Variants in TTLL9 observed in about 807,000 individuals in gnomAD.
TTLL9 encodes the protein probable tubulin polyglutamylase TTLL9.
A neutral mutation model predicts 65.6 loss-of-function variants in TTLL9; 47 were observed. The observed-to-expected ratio is 0.72, with a 90% confidence interval of 0.57 to 0.91. The LOEUF is 0.91. Among genes scored for constraint, TTLL9 ranks in the 40% least tolerant of loss-of-function variants. The pLI, the probability that TTLL9 is intolerant of heterozygous loss-of-function variation, is 0.00. For synonymous variants in TTLL9, 179 were observed against 204.8 expected, an observed-to-expected ratio of 0.87 and a Z score of 1.07; for missense variants, 537 against 568.8, an observed-to-expected ratio of 0.94 and a Z score of 0.57.
At chr20:31,893,758 G>A (rs2063343222) in intron 3 of TTLL9, among the ~76,000 whole-genome samples, 1 of 151,746 alleles carries the variant, frequency 6.6e-6, no homozygotes, top group Non-Finnish European at 1.5e-5. Flanking sequence ...TCTTGCTTGG[G>A]GTTAATTGAG....
intron 3 of TTLL9, among the ~76,000 whole-genome samples, chr20:31,898,226 C>G (rs775664877): frequency 4.6e-5 from 7 of 152,186 alleles, no homozygotes; most frequent in Non-Finnish European, 8.8e-5. Context: ...ACATGGAAAG[C>G]AACCAGACCA....
chr20:31,882,853 T>C (rs965890945), intron 2 of TTLL9, among the ~76,000 whole-genome samples: 8 of 152,222 alleles, frequency 5.3e-5, no homozygotes, highest in Non-Finnish European at 1.2e-4. Context: ...GACCTGTTTA[T>C]GTGGAGGGGT....
chr20:31,939,020 GA>G, intron 13 of TTLL9, 121 bp from the exon 14 acceptor site: 13 of 1,217,402 alleles, frequency 1.1e-5, no homozygotes, highest in Admixed American at 2.9e-5. Flanking sequence ...GAATGGTTGG[GA>G]AAAAGGACTT....
chr20:31,891,358 A>G (rs2063305144), intron 3 of TTLL9, among the ~76,000 whole-genome samples: 2 of 152,106 alleles, frequency 1.3e-5, no homozygotes, highest in Admixed American at 6.5e-5. Flanking sequence ...AATATTTGGT[A>G]TTTGTCTGAT....
intron 13 of TTLL9, chr20:31,938,347 T>C: frequency 2.6e-6 from 1 of 381,648 alleles, no homozygotes; most frequent in Non-Finnish European, 5.3e-6. Flanking sequence ...GGAGTGGTTC[T>C]CAGAGGAAAA....
intron 6 of TTLL9, among the ~76,000 whole-genome samples, chr20:31,911,879 C>A (rs2063657723): frequency 6.9e-6 from 1 of 145,470 alleles, no homozygotes; most frequent in African/African-American, 2.6e-5. Context: ...TGTGTGTCCT[C>A]TTTCCCAAAT....
At position 31,944,035 on chromosome 20, in the gene TTLL9, G is replaced by A. The variant is rs759236680; in HGVS notation, c.*1014G>A. ...GAATCTGCCTGCCTAGGTCAAGCCC[G>A]AAGGGAAGACTTTTGGAAGGAAAAT... On this transcript the variant is annotated 3_prime_UTR_variant, in exon 15 of 15. Coordinates refer to ENST00000535842, the MANE Select transcript of TTLL9 (RefSeq NM_001008409.5). 8 of 337,196 alleles carry A rather than the reference G, an allele frequency of 2.4e-5. No homozygotes were observed. Among genetic ancestry groups the A allele is most frequent in the South Asian group, 4.7e-5 (2 of 42,926 alleles). 20.9% of individuals were successfully genotyped at this position (337,196 alleles called of 1,614,324 possible).
chr20:31,889,813 T>A (rs1047472725), intron 3 of TTLL9, among the ~76,000 whole-genome samples: 1 of 151,576 alleles, frequency 6.6e-6, no homozygotes, highest in East Asian at 1.9e-4. Flanking sequence ...CAAGTGATCA[T>A]CCCACCTCGG....
intron 4 of TTLL9, among the ~76,000 whole-genome samples, chr20:31,904,227 C>T (rs2063517198): frequency 6.6e-6 from 1 of 151,592 alleles, no homozygotes; most frequent in Non-Finnish European, 1.5e-5. Flanking sequence ...TGCCAGCTTT[C>T]TCCAGTGTAA....
intron 7 of TTLL9, among the ~76,000 whole-genome samples, chr20:31,922,726 G>T (rs1029158696): frequency 1.2e-4 from 19 of 152,212 alleles, no homozygotes; most frequent in Non-Finnish European, 8.8e-5. Flanking sequence ...TCTGGGCCTA[G>T]ACCATGTAGG....
chr20:31,874,352 C>T (rs1025336623), intron 2 of TTLL9, among the ~76,000 whole-genome samples: 2 of 151,174 alleles, frequency 1.3e-5, no homozygotes, highest in African/African-American at 4.9e-5. Context: ...TGTTATATTA[C>T]ATGGCAAAGG....
intron 12 of TTLL9, among the ~76,000 whole-genome samples, chr20:31,935,128 G>A (rs748805485): frequency 2.6e-5 from 4 of 152,160 alleles, no homozygotes; most frequent in Non-Finnish European, 5.9e-5. Flanking sequence ...ACTGAGGACC[G>A]AGCCTGGCAC....
intron 6 of TTLL9, among the ~76,000 whole-genome samples, chr20:31,910,723 G>A (rs2063634223): frequency 6.6e-6 from 1 of 152,178 alleles, no homozygotes; most frequent in Non-Finnish European, 1.5e-5. Flanking sequence ...CTCAATAAAT[G>A]AGAATTGTTA....
At chr20:31,886,051 A>G (rs1400397407) in intron 2 of TTLL9, among the ~76,000 whole-genome samples, 1 of 152,202 alleles carries the variant, frequency 6.6e-6, no homozygotes, top group Non-Finnish European at 1.5e-5. Flanking sequence ...AATTCTGCCT[A>G]CAACCTGAAT....
intron 6 of TTLL9, among the ~76,000 whole-genome samples, chr20:31,911,831 CGT>C (rs55996863): frequency 0.079 from 11,177 of 142,114 alleles, 462 homozygotes; most frequent in East Asian, 0.15. Context: ...TGTGTCTGTG[CGT>C]GTGTGTGTGT....
chr20:31,878,291 T>G (rs1568730271), intron 2 of TTLL9, among the ~76,000 whole-genome samples: 6 of 152,254 alleles, frequency 3.9e-5, no homozygotes, highest in Admixed American at 3.3e-4. Flanking sequence ...GACATCTATT[T>G]CAGAAGGGAA....
At chr20:31,880,341 A>C (rs1041442037) in intron 2 of TTLL9, among the ~76,000 whole-genome samples, 2 of 152,140 alleles carry the variant, frequency 1.3e-5, no homozygotes, top group African/African-American at 4.8e-5. Context: ...TTTCCAAGCC[A>C]AGCTCAGTGC....
chr20:31,936,408 T>TG (rs2064109615), intron 12 of TTLL9, among the ~76,000 whole-genome samples: 2 of 151,958 alleles, frequency 1.3e-5, no homozygotes, highest in Admixed American at 1.3e-4. Flanking sequence ...GGTTCAAGGC[T>TG]GCAGGGAGCT....
intron 2 of TTLL9, among the ~76,000 whole-genome samples, chr20:31,873,828 GAAAGAAAGAAAGAAAGA>G (rs2062994742): frequency 6.8e-4 from 42 of 61,372 alleles, no homozygotes; most frequent in Non-Finnish European, 1.0e-3. Flanking sequence ...AAGGAAGAAA[GAAAGAAAGAAAGAAAGA>G]AAGAAAGAAA....
Sources: allele counts gnomAD v4.1 joint callset (sites outside exome capture counted in the v4.1 genomes callset), GRCh38; gene constraint gnomAD v4.1.1; transcripts MANE v1.5; gene names NCBI Gene and HGNC (gene_info 2026-07-23, HGNC 2026-07-21).